CDCA7: variants seen among roughly 807,000 people sequenced by gnomAD.
The protein encoded by CDCA7 is cell division cycle associated 7.
CDCA7 carries 28 observed loss-of-function variants against 54.0 expected under a neutral mutation model. That is an observed-to-expected ratio of 0.52 (90% CI 0.38 to 0.71). CDCA7 has a LOEUF of 0.71. Ranked by LOEUF, CDCA7 falls within the 30% of genes least tolerant of loss-of-function variation. The pLI, the probability that CDCA7 is intolerant of heterozygous loss-of-function variation, is 0.00. For missense variants in CDCA7, 484 were observed against 586.0 expected (o/e 0.83, Z 1.80); for synonymous variants, 180 against 208.2 (o/e 0.86, Z 1.16).
intron 3 of CDCA7, among the ~76,000 whole-genome samples, chr2:173,362,578 C>T (rs1299977029): frequency 4.9e-5 from 7 of 143,042 alleles, no homozygotes; most frequent in South Asian, 2.2e-4. Context: ...ATTTTTTTCC[C>T]TTTTTTTTTT....
At chr2:173,358,490 A>G (rs577575544) in intron 1 of CDCA7, 69 of 406,906 alleles carry the variant, frequency 1.7e-4, no homozygotes, top group Non-Finnish European at 2.6e-4. Context: ...TGATCTCAGC[A>G]CTGCACTTTA....
chr2:173,367,433 T>G, intron 9 of CDCA7, 147 bp downstream of exon 9: 1 of 1,396,878 alleles, frequency 7.2e-7, no homozygotes, highest in African/African-American at 1.4e-5. Context: ...ATGGGAACAT[T>G]TTCTGTCTTC....
rs890740290 is a variant in CDCA7 at position 173,368,018 on chromosome 2, G to T, written c.*354G>T. On this transcript the variant is annotated 3_prime_UTR_variant, in exon 10 of 10. Coordinates refer to ENST00000306721, the MANE Select transcript of CDCA7 (RefSeq NM_031942.5). ...TTGAAATAGCCCTCATAAAACCTAA[G>T]CACTTGGAAACACAATAATAGTATT... The T allele has an allele frequency of 3.4e-6, 1 of 293,226 alleles. No individual in the cohort carries two copies. Among genetic ancestry groups the T allele is most frequent in the Non-Finnish European group, 6.4e-6 (1 of 156,146 alleles). The allele number at this position is 293,226 out of a possible 1,614,324, so 18.2% of individuals were successfully genotyped here.
At chr2:173,367,534 A>G (rs1448228661) in intron 9 of CDCA7, 100 bp from the exon 10 acceptor site, 4 of 1,456,858 alleles carry the variant, frequency 2.7e-6, no homozygotes, top group African/African-American at 1.4e-5. Context: ...TAGTGATGTT[A>G]TAACTCAATA....
At chr2:173,358,966 G>A in intron 2 of CDCA7, 129 bp downstream of exon 2, 1 of 1,250,026 alleles carries the variant, frequency 8.0e-7, no homozygotes. Flanking sequence ...AATACAGTAT[G>A]CACTATAATT....
At position 173,367,392 on chromosome 2, in the gene CDCA7, AGACT is replaced by A. The variant is rs1269101376; in HGVS notation, c.1322+112_1322+115del. On this transcript the variant is annotated intron_variant, in intron 9 of 9. Transcript: ENST00000306721. ...AGAGTGGTTATCTCTGGCGGGGTGG[AGACT>A]GACTGGAACGGGGCACACTGGAAGG... 13 of 1,529,720 alleles carry A rather than the reference AGACT, an allele frequency of 8.5e-6. No homozygotes were observed. In the Admixed American group the frequency reaches 2.1e-4, roughly 24 times the overall value. 94.8% of individuals were successfully genotyped at this position (1,529,720 alleles called of 1,614,324 possible). A position where few individuals can be genotyped will look rare whatever the true frequency, so the allele number is the denominator to read the frequency against.
rs2106390832 is a variant in CDCA7 at position 173,363,379 on chromosome 2, G to A, written c.538G>A (p.Asp180Asn). 1.2e-6 allele frequency: 2 copies of A among 1,614,176 alleles called. No homozygotes were observed. The highest frequency in any genetic ancestry group is 2.2e-5 in the East Asian group (1 of 44,880). ...CCAGCCCTCAGAGAATTCTGTGACT[G>A]ATTCCAACTCCGATTCAGAAGATGA... Reference protein sequence around the residue: ...SRQPSENSVTDSNSDSEDESG... With the variant: ...SRQPSENSVTNSNSDSEDESG... The change falls in exon 4 of 10, where the codon GAT becomes AAT. Residue 180 changes from aspartate (D) to asparagine (N), a missense_variant. By Grantham distance (23) the Asp-to-Asn change is conservative. Transcript: ENST00000306721.
At chr2:173,360,847 TTCTC>T (rs1017423944) in intron 3 of CDCA7, among the ~76,000 whole-genome samples, 29 of 152,010 alleles carry the variant, frequency 1.9e-4, no homozygotes, top group Middle Eastern at 3.4e-3. Flanking sequence ...GATTTTTTTC[TTCTC>T]TCTCTCTTTT....
In CDCA7 at chr2:173,359,304, A is replaced by G; in HGVS notation, c.197A>G (p.Tyr66Cys). 6.2e-7 allele frequency: 1 copy of G among 1,614,226 alleles called. No homozygotes were observed. The highest frequency in any genetic ancestry group is 8.5e-7 in the Non-Finnish European group (1 of 1,180,034). Residue 66 changes from tyrosine (Y) to cysteine (C), a missense_variant, in exon 3 of 10, where the codon TAT becomes TGT. Tyr to Cys is a radical substitution (Grantham distance 194). Coordinates refer to ENST00000306721, the MANE Select transcript of CDCA7 (RefSeq NM_031942.5). ...AGTGAAGAACTGGCAAATGTTTTTT[A>G]TGAGGACTCTGATAATGAATCTTTC... ...DISEELANVF[Y>C]EDSDNESFCG...
intron 3 of CDCA7, 121 bp from the exon 4 acceptor site, chr2:173,363,105 A>G (rs1686653443): frequency 2.2e-6 from 2 of 920,516 alleles, no homozygotes; most frequent in Admixed American, 2.0e-5. Flanking sequence ...TGTTACCCAG[A>G]GGTATCAATG....
intron 4 of CDCA7, 43 bp from the exon 5 acceptor site, chr2:173,363,775 T>TA: frequency 6.3e-7 from 1 of 1,583,272 alleles, no homozygotes; most frequent in East Asian, 2.2e-5. Flanking sequence ...TTTCGACAGT[T>TA]ATTCTAAGCC....
Position 173,367,197 on chromosome 2 carries a change from C to T in CDCA7, c.1233C>T (p.Cys411=). The T allele has an allele frequency of 6.2e-7, 1 of 1,605,706 alleles. No individual in the cohort carries two copies. Among genetic ancestry groups the T allele is most frequent in the Non-Finnish European group, 8.5e-7 (1 of 1,177,184 alleles). The change falls in exon 9 of 10, where the codon TGC becomes TGT. Residue 411 remains cysteine (C), a synonymous_variant. Coordinates refer to ENST00000306721, the MANE Select transcript of CDCA7 (RefSeq NM_031942.5). ...GAGGAATCTGCAACTGCAGTTTCTG[C>T]CGGCAGCGAGATGGACGGTGTGCGA... The part of the protein sequence containing the change: ...PCRGICNCSF[C]RQRDGRCATG...
In CDCA7 at chr2:173,367,959, C is replaced by T. The variant is rs1373180659; in HGVS notation, c.*295C>T. 6 of 453,330 alleles carry T rather than the reference C, an allele frequency of 1.3e-5. No homozygotes were observed. Among genetic ancestry groups the T allele is most frequent in the East Asian group, 3.7e-5 (1 of 27,276 alleles). The allele number at this position is 453,330 out of a possible 1,614,324, so 28.1% of individuals were successfully genotyped here. On this transcript the variant is annotated 3_prime_UTR_variant, in exon 10 of 10. Coordinates refer to ENST00000306721, the MANE Select transcript of CDCA7 (RefSeq NM_031942.5). Reference sequence around the variant, plus strand: ...TAGTTTCTGAATTTCTTTTAAATTACAGTTTTATGAAAGCATATTTTATTT... The same window carrying T: ...TAGTTTCTGAATTTCTTTTAAATTATAGTTTTATGAAAGCATATTTTATTT...
rs1041171759 is a variant in CDCA7 at position 173,366,192 on chromosome 2, A to G, written c.1036-91A>G. ...ATTCATAGACAAAATGTAAGCCTAT[A>G]CTACGAAGAGGGACATTCTGTAAAT... On this transcript the variant is annotated intron_variant, in intron 7 of 9. Coordinates refer to ENST00000306721, the MANE Select transcript of CDCA7 (RefSeq NM_031942.5). The surrounding 1 kb of genome is among the most constrained non-coding windows in gnomAD (Gnocchi z 4.5). 3 of 1,420,678 alleles carry G rather than the reference A, an allele frequency of 2.1e-6. No homozygotes were observed. Among genetic ancestry groups the G allele is most frequent in the Non-Finnish European group, 2.9e-6 (3 of 1,046,362 alleles). 88.0% of individuals were successfully genotyped at this position (1,420,678 alleles called of 1,614,324 possible). A position where few individuals can be genotyped will look rare whatever the true frequency, so the allele number is the denominator to read the frequency against.
intron 3 of CDCA7, among the ~76,000 whole-genome samples, chr2:173,362,542 T>C (rs1445757664): frequency 2.6e-5 from 4 of 151,522 alleles, no homozygotes; most frequent in Non-Finnish European, 4.4e-5. Context: ...GCCATAAACA[T>C]TGAAGCCATA....
intron 3 of CDCA7, among the ~76,000 whole-genome samples, chr2:173,359,939 T>TA (rs1686588484): frequency 6.6e-6 from 1 of 152,230 alleles, no homozygotes; most frequent in Non-Finnish European, 1.5e-5. Context: ...CCATTGCAGA[T>TA]AATGACATTG....
chr2:173,358,780 C>T lies in CDCA7; in HGVS notation c.90C>T (p.Thr30=), dbSNP rs1326250146. 4 of 1,613,586 alleles carry T rather than the reference C, an allele frequency of 2.5e-6. No homozygotes were observed. The African/African-American group carries it at 5.3e-5, about 22-fold the overall frequency. Residue 30 remains threonine, a synonymous_variant, in exon 2 of 10, where the codon ACC becomes ACT. Transcript: ENST00000306721. ...FRYVKLISME[T]SSSSDDSCDS... ...ATGTGAAGTTGATTTCCATGGAAAC[C>T]TCGTCATCCTCTGATGACAGTTGTG...
chr2:173,364,501 A>C (rs1201038547), intron 5 of CDCA7: 1 of 237,690 alleles, frequency 4.2e-6, no homozygotes, highest in African/African-American at 2.3e-5. Flanking sequence ...GAGACATCAG[A>C]GAAAATTTTT....
rs758960474 is a variant in CDCA7, at chr2:173,366,259, T to TG, written c.1036-24_1036-23insG. Reference sequence around the variant, plus strand: ...TGAAAAACAGTGGTTTTTTTTGTTTTTTTTCTTAATGGCTTATTTGTAGGG... The same window carrying TG: ...TGAAAAACAGTGGTTTTTTTTGTTTTGTTTTCTTAATGGCTTATTTGTAGGG... On this transcript the variant is annotated intron_variant, in intron 7 of 9. Transcript: ENST00000306721. The surrounding 1 kb of genome is among the most constrained non-coding windows in gnomAD (Gnocchi z 4.5). 4.2e-5 allele frequency: 66 copies of TG among 1,581,806 alleles called. No homozygotes were observed. Among genetic ancestry groups the TG allele is most frequent in the Non-Finnish European group, 5.6e-5 (65 of 1,166,458 alleles).
Sources: allele counts gnomAD v4.1 joint callset (sites outside exome capture counted in the v4.1 genomes callset), GRCh38; gene constraint gnomAD v4.1.1; non-coding constraint Gnocchi (gnomAD v3.1); transcripts MANE v1.5; gene names NCBI Gene and HGNC (gene_info 2026-07-23, HGNC 2026-07-21).